Variants in GABRD observed in about 807,000 individuals in gnomAD.
GABRD encodes the protein gamma-aminobutyric acid receptor subunit delta.
GABRD carries 25 observed loss-of-function variants against 47.3 expected under a neutral mutation model. The observed-to-expected ratio is 0.53, with a 90% CI of 0.39 to 0.74. The LOEUF (loss-of-function observed/expected upper bound fraction) is 0.74, where lower values mean the gene tolerates loss of function less well. Ranked by LOEUF, GABRD falls within the 30% of genes least tolerant of loss-of-function variation. GABRD has a pLI of 0.00. For missense variants in GABRD, 497 were observed against 643.4 expected (o/e 0.77, Z 2.46); for synonymous variants, 314 against 278.8 (o/e 1.13, Z -1.26).
intron 6 of GABRD, 41 bp from the exon 7 acceptor site, chr1:2,029,070 C>A: frequency 6.5e-7 from 1 of 1,536,142 alleles, no homozygotes; most frequent in Non-Finnish European, 8.7e-7. Flanking sequence ...TTGGGCTGGG[C>A]TGGGCAGGGA....
chr1:2,022,377 C>T (rs528798414), intron 1 of GABRD: 8 of 152,404 alleles, frequency 5.2e-5, no homozygotes, highest in South Asian at 2.1e-4. Context: ...GGAAAACGAC[C>T]GGGGGCTCTC....
intron 1 of GABRD, chr1:2,024,640 C>G: frequency 4.3e-6 from 1 of 232,792 alleles, no homozygotes; most frequent in Admixed American, 5.2e-5. Context: ...TTGGCCCACG[C>G]TGGGGGGCTC....
intron 2 of GABRD, 61 bp downstream of exon 2, chr1:2,025,115 G>C (rs1658883192): frequency 6.9e-7 from 1 of 1,453,356 alleles, no homozygotes; most frequent in Admixed American, 1.9e-5. Flanking sequence ...GGCCGTGGCT[G>C]TGTGGCCCAC....
chr1:2,023,329 C>T (rs1409878272), intron 1 of GABRD, among the ~76,000 whole-genome samples: 1 of 151,866 alleles, frequency 6.6e-6, no homozygotes, highest in South Asian at 2.1e-4. Context: ...TGGGAGGGTG[C>T]TGCACGGGGT....
chr1:2,030,079 A>T lies in GABRD; in HGVS notation c.1156A>T (p.Asn386Tyr), dbSNP rs778668096. The part of the protein sequence containing the change: ...ISRRQRRVPG[N>Y]LMGSYRSVGV... The stretch of plus-strand genomic sequence containing the variant: ...CCGCCGGCAGCGCCGCGTCCCGGGG[A>T]ACCTGATGGGCTCCTACAGGTCGGT... Residue 386 changes from asparagine (N) to tyrosine (Y), a missense_variant, in exon 9 of 9, where the codon AAC becomes TAC. Asn to Tyr is a moderately radical substitution (Grantham distance 143). Transcript: ENST00000378585. The T allele has an allele frequency of 2.5e-6, 4 of 1,607,966 alleles. No individual in the cohort carries two copies. Among genetic ancestry groups the T allele is most frequent in the Non-Finnish European group, 3.4e-6 (4 of 1,177,644 alleles).
chr1:2,029,708 C>A lies in GABRD; in HGVS notation c.1005C>A (p.Ala335=). The A allele has an allele frequency of 6.2e-7, 1 of 1,613,448 alleles. No homozygotes were observed. ...AGTACGCCTTTGCTCATTTCAACGCCGACTACAGGAAGAAGCAGAAGGCCA... is the reference window on the plus strand; with the variant it reads ...AGTACGCCTTTGCTCATTTCAACGCAGACTACAGGAAGAAGCAGAAGGCCA... ...LVEYAFAHFN[A]DYRKKQKAKV... The change falls in exon 8 of 9, where the codon GCC becomes GCA. Residue 335 remains alanine (A), a synonymous_variant. Coordinates refer to ENST00000378585, the MANE Select transcript of GABRD (RefSeq NM_000815.5).
chr1:2,020,960 C>T (rs1312137101), intron 1 of GABRD, among the ~76,000 whole-genome samples: 7 of 152,348 alleles, frequency 4.6e-5, no homozygotes, highest in African/African-American at 1.4e-4. Flanking sequence ...CACCATTTCC[C>T]TGCTCTAAAA....
intron 4 of GABRD, among the ~76,000 whole-genome samples, chr1:2,026,375 C>A (rs183489736): frequency 6.6e-6 from 1 of 152,234 alleles, no homozygotes; most frequent in Non-Finnish European, 1.5e-5. Flanking sequence ...ACGGCAGGGG[C>A]GCGCCACACC....
intron 6 of GABRD, 50 bp from the exon 7 acceptor site, chr1:2,029,061 T>G (rs942115542): frequency 8.5e-6 from 13 of 1,534,202 alleles, no homozygotes; most frequent in Non-Finnish European, 1.1e-5. Flanking sequence ...GTCCCATGGT[T>G]GGGCTGGGCT....
At position 2,025,654 on chromosome 1, in the gene GABRD, C is replaced by G; in HGVS notation, c.386C>G (p.Ala129Gly). 2 of 1,613,036 alleles carry G rather than the reference C, an allele frequency of 1.2e-6. No homozygotes were observed. The highest frequency in any genetic ancestry group is 1.7e-6 in the Non-Finnish European group (2 of 1,180,014). The change falls in exon 4 of 9, where the codon GCC becomes GGC. Residue 129 changes from alanine to glycine, a missense_variant. Around this residue, in one of 3 missense-constraint regions of GABRD, gnomAD observed 285 missense variants for 436.6 expected, o/e 0.65. Transcript: ENST00000378585. ...LWLPDTFIVNAKSAWFHDVTV... is the reference protein window; with the variant it reads ...LWLPDTFIVNGKSAWFHDVTV... ...CTGCCCGACACCTTCATCGTGAACG[C>G]CAAGTCGGCCTGGTTCCACGACGTG...
chr1:2,028,912 C>G lies in GABRD; in HGVS notation c.692-199C>G. On this transcript the variant is annotated intron_variant, in intron 6 of 8. Transcript: ENST00000378585. The surrounding 1 kb of genome is among the most constrained non-coding windows in gnomAD (Gnocchi z 6.4). The stretch of plus-strand genomic sequence containing the variant: ...CTCCTCTGGGTGACACTGCTCAGGA[C>G]CAGCCTGTCCTGTGGCCAGACCTAG... The G allele has an allele frequency of 1.6e-6, 1 of 638,100 alleles. No individual in the cohort carries two copies. Among genetic ancestry groups the G allele is most frequent in the South Asian group, 2.0e-5 (1 of 50,186 alleles). 39.5% of individuals were successfully genotyped at this position (638,100 alleles called of 1,614,324 possible).
At chr1:2,027,973 G>A in intron 5 of GABRD, 182 bp from the exon 6 acceptor site, 2 of 661,112 alleles carry the variant, frequency 3.0e-6, no homozygotes, top group Non-Finnish European at 5.1e-6. Context: ...CCATCCACCT[G>A]CCCGGAGGAG....
Position 2,030,187 on chromosome 1 carries a change from A to G in GABRD, c.1264A>G (p.Ile422Val). 5 of 1,565,890 alleles carry G rather than the reference A, an allele frequency of 3.2e-6. No homozygotes were observed. Among genetic ancestry groups the G allele is most frequent in the Non-Finnish European group, 4.3e-6 (5 of 1,155,526 alleles). Residue 422 changes from isoleucine to valine, a missense_variant, in exon 9 of 9, where the codon ATC becomes GTC. This residue lies in a region of GABRD where 121 missense variants were observed against 121.3 expected (regional missense o/e 1.00). Transcript: ENST00000378585. ...GGGCATCCGTGCCCGGCTCAGGCCC[A>G]TCGACGCAGACACCATTGACATTTA... is the stretch of plus-strand genomic sequence containing the variant. ...QGGIRARLRP[I>V]DADTIDIYAR...
rs1221059329 is a variant in GABRD at position 2,019,421 on chromosome 1, G to T, written c.-3G>T. The T allele has an allele frequency of 1.8e-6, 2 of 1,082,498 alleles. No individual in the cohort carries two copies. Among genetic ancestry groups the T allele is most frequent in the Non-Finnish European group, 2.2e-6 (2 of 894,256 alleles). 67.1% of individuals were successfully genotyped at this position (1,082,498 alleles called of 1,614,324 possible). A position where few individuals can be genotyped will look rare whatever the true frequency, so the allele number is the denominator to read the frequency against. On this transcript the variant is annotated 5_prime_UTR_variant, in exon 1 of 9. Coordinates refer to ENST00000378585, the MANE Select transcript of GABRD (RefSeq NM_000815.5). ...CGGACCCCGTCCCGAGCCCGCCGCG[G>T]CCATGGACGCGCCCGCCCGGCTGCT... is the stretch of plus-strand genomic sequence containing the variant.
At chr1:2,020,286 G>A (rs1164016400) in intron 1 of GABRD, among the ~76,000 whole-genome samples, 2 of 152,234 alleles carry the variant, frequency 1.3e-5, no homozygotes, top group South Asian at 2.1e-4. Flanking sequence ...CTGGCTGGCC[G>A]CCTTCCCTAG....
chr1:2,030,390 A>G lies in GABRD; in HGVS notation c.*108A>G, dbSNP rs1002120280. 3.0e-6 allele frequency: 3 copies of G among 1,010,060 alleles called. No individual in the cohort carries two copies. The African/African-American group carries it at 5.0e-5, about 17-fold the overall frequency. The allele number at this position is 1,010,060 out of a possible 1,614,324, so 62.6% of individuals were successfully genotyped here. On this transcript the variant is annotated 3_prime_UTR_variant, in exon 9 of 9. Transcript: ENST00000378585. ...CTGCCTTCCCCTCTGCGTGTTTCGA[A>G]GTGGGATGACAGTCGGCCACGGAAA... is the stretch of plus-strand genomic sequence containing the variant.
rs958031020 is a variant in GABRD, at chr1:2,028,943, G to T, written c.692-168G>T. 5.0e-6 allele frequency: 4 copies of T among 799,928 alleles called. No individual in the cohort carries two copies. The Admixed American group carries it at 8.6e-5, about 17-fold the overall frequency. The allele number at this position is 799,928 out of a possible 1,614,324, so 49.6% of individuals were successfully genotyped here. ...TGTCCTGTGGCCAGACCTAGGGCCG[G>T]AGGCCCCCTGACATTTCAGGCCATG... On this transcript the variant is annotated intron_variant, in intron 6 of 8. Coordinates refer to ENST00000378585, the MANE Select transcript of GABRD (RefSeq NM_000815.5). This position sits in a 1 kb window ranked among gnomAD's most constrained non-coding sequence, Gnocchi z 6.4.
intron 2 of GABRD, 73 bp downstream of exon 2, chr1:2,025,127 G>T: frequency 7.2e-7 from 1 of 1,396,892 alleles, no homozygotes. Flanking sequence ...GTGGCCCACT[G>T]GGCTGTAGGC....
rs1198720650 is a variant in GABRD at position 2,025,372 on chromosome 1, A to G, written c.220A>G (p.Ser74Gly). Residue 74 changes from serine (S) to glycine (G), a missense_variant, in exon 3 of 9, where the codon AGC (serine) becomes GGC (glycine). This residue lies in a region of GABRD where 285 missense variants were observed against 436.6 expected (regional missense o/e 0.65). Transcript: ENST00000378585. ...TGTGGCCCTTGCCCTGGAGGTGGCC[A>G]GCATCGACCACATCTCAGAGGCCAA... ...VNVALALEVA[S>G]IDHISEANME... 1.2e-6 allele frequency: 2 copies of G among 1,613,040 alleles called. No homozygotes were observed. Among genetic ancestry groups the G allele is most frequent in the South Asian group, 2.2e-5 (2 of 91,086 alleles).
Sources: allele counts gnomAD v4.1 joint callset (sites outside exome capture counted in the v4.1 genomes callset), GRCh38; gene constraint gnomAD v4.1.1; regional missense constraint gnomAD v4.1.1; non-coding constraint Gnocchi (gnomAD v3.1); transcripts MANE v1.5; gene names NCBI Gene and HGNC (gene_info 2026-07-23, HGNC 2026-07-21).